Variants in RNF180 observed in about 807,000 individuals in gnomAD.
RNF180 encodes ring finger protein 180, also known as E3 ubiquitin-protein ligase RNF180.
A neutral mutation model predicts 59.2 loss-of-function variants in RNF180; 38 were observed. The observed-to-expected ratio is 0.64, with a 90% CI of 0.50 to 0.84. The LOEUF (loss-of-function observed/expected upper bound fraction) is 0.84, where lower values mean the gene tolerates loss of function less well. Among genes scored for constraint, RNF180 ranks in the 40% least tolerant of loss-of-function variants. The probability of loss-of-function intolerance (pLI) is 0.00; values close to 1 mark genes in which losing one functional copy is unlikely to be tolerated. For missense variants in RNF180, 705 were observed against 700.9 expected (o/e 1.01, Z -0.07); for synonymous variants, 262 against 240.3 (o/e 1.09, Z -0.84).
intron 2 of RNF180, among the ~76,000 whole-genome samples, chr5:64,209,985 A>C (rs1752221640): frequency 1.3e-5 from 2 of 152,110 alleles, no homozygotes; most frequent in African/African-American, 4.8e-5. Context: ...TTCTTTAAAA[A>C]TTTTGTGTAT....
At chr5:64,275,630 GTAGAAACTAAGT>G (rs1459767542) in intron 5 of RNF180, among the ~76,000 whole-genome samples, 2 of 151,822 alleles carry the variant, frequency 1.3e-5, no homozygotes, top group Non-Finnish European at 2.9e-5. Flanking sequence ...CTATGAGGAG[GTAGAAACTAAGT>G]CTTAATAAAT....
At chr5:64,205,999 GTGTTAAA>G (rs929822161) in intron 2 of RNF180, among the ~76,000 whole-genome samples, 13 of 152,118 alleles carry the variant, frequency 8.5e-5, no homozygotes, top group African/African-American at 2.7e-4. Context: ...TTGATGATTC[GTGTTAAA>G]TGTTAAATGA....
intron 7 of RNF180, among the ~76,000 whole-genome samples, chr5:64,349,243 A>G (rs1283948876): frequency 5.9e-5 from 9 of 152,136 alleles, no homozygotes; most frequent in African/African-American, 2.2e-4. Context: ...GGTTACAAAT[A>G]GACATAAACA....
rs112152401 is a variant in RNF180 at position 64,321,628 on chromosome 5, T to C, written c.1228-3558T>C. Among the ~76,000 whole-genome samples, 750 of 152,232 alleles carry C rather than the reference T, an allele frequency of 4.9e-3. 10 individuals carry two copies. The highest frequency in any genetic ancestry group is 0.017 in the African/African-American group (702 of 41,558). On this transcript the variant is annotated intron_variant, in intron 5 of 7. Transcript: ENST00000389100. The stretch of plus-strand genomic sequence containing the variant: ...TATAGATTCAATGCTATTCTCAAAC[T>C]ACTATGGACATTTTTCACAGAATTA...
chr5:64,237,837 C>G (rs1742539788), intron 5 of RNF180, among the ~76,000 whole-genome samples: 1 of 152,092 alleles, frequency 6.6e-6, no homozygotes, highest in African/African-American at 2.4e-5. Flanking sequence ...CTCTCTCTCT[C>G]TTTCTCTTCC....
At chr5:64,320,869 T>G (rs1266938533) in intron 5 of RNF180, among the ~76,000 whole-genome samples, 1 of 152,032 alleles carries the variant, frequency 6.6e-6, no homozygotes, top group African/African-American at 2.4e-5. Flanking sequence ...AAACCCTGTC[T>G]CTACTAAAAA....
chr5:64,175,784 C>T (rs1435745765), intron 1 of RNF180, among the ~76,000 whole-genome samples: 7 of 152,048 alleles, frequency 4.6e-5, no homozygotes, highest in East Asian at 1.9e-4. Flanking sequence ...TTTCTTTTAT[C>T]GATATTTTAT....
At chr5:64,231,708 G>C (rs1175766655) in intron 5 of RNF180, among the ~76,000 whole-genome samples, 1 of 152,176 alleles carries the variant, frequency 6.6e-6, no homozygotes, top group Non-Finnish European at 1.5e-5. Context: ...GCTGAATTTT[G>C]CTGTACCAGC....
intron 7 of RNF180, among the ~76,000 whole-genome samples, chr5:64,361,690 ACC>A (rs1746258620): frequency 6.6e-6 from 1 of 151,602 alleles, no homozygotes; most frequent in Non-Finnish European, 1.5e-5. Flanking sequence ...ATGTCTTAAT[ACC>A]AAAATAATTA....
chr5:64,187,536 C>G (rs1750932735), intron 1 of RNF180, among the ~76,000 whole-genome samples: 1 of 152,182 alleles, frequency 6.6e-6, no homozygotes, highest in Non-Finnish European at 1.5e-5. Flanking sequence ...TGGTCTCTCT[C>G]TCTGTAATTC....
intron 5 of RNF180, among the ~76,000 whole-genome samples, chr5:64,291,421 T>C (rs993240343): frequency 1.5e-5 from 2 of 132,542 alleles, no homozygotes; most frequent in South Asian, 2.6e-4. Flanking sequence ...GTTTTCTTTT[T>C]TTTTTTTTTT....
At chr5:64,202,579 A>G (rs578058943) in intron 2 of RNF180, among the ~76,000 whole-genome samples, 153 of 152,258 alleles carry the variant, frequency 1.0e-3, no homozygotes, top group African/African-American at 3.4e-3. Flanking sequence ...TTCAAAGTTT[A>G]TGTTCACTTT....
At chr5:64,350,466 G>A (rs566078013) in intron 7 of RNF180, among the ~76,000 whole-genome samples, 1 of 152,184 alleles carries the variant, frequency 6.6e-6, no homozygotes, top group African/African-American at 2.4e-5. Context: ...TGGTGTTTTA[G>A]ACATGAAGTC....
chr5:64,249,478 TGAA>T (rs1399109890), intron 5 of RNF180, among the ~76,000 whole-genome samples: 1 of 152,060 alleles, frequency 6.6e-6, no homozygotes, highest in East Asian at 1.9e-4. Context: ...CCTTCACAAA[TGAA>T]GGAGAGAGGA....
intron 5 of RNF180, among the ~76,000 whole-genome samples, chr5:64,223,222 C>T (rs1259715433): frequency 6.6e-6 from 1 of 152,192 alleles, no homozygotes; most frequent in East Asian, 1.9e-4. Flanking sequence ...CATATGGCAT[C>T]ACTACAACTC....
intron 5 of RNF180, among the ~76,000 whole-genome samples, chr5:64,257,138 T>A (rs1350313324): frequency 1.3e-5 from 2 of 152,206 alleles, no homozygotes; most frequent in Non-Finnish European, 2.9e-5. Flanking sequence ...TACAATCATG[T>A]CATCTGCAAA....
At chr5:64,257,397 G>C (rs1050338755) in intron 5 of RNF180, among the ~76,000 whole-genome samples, 2 of 152,184 alleles carry the variant, frequency 1.3e-5, no homozygotes, top group Non-Finnish European at 2.9e-5. Context: ...AATTTATTGA[G>C]AGTTTTTAGC....
chr5:64,302,477 C>T (rs1466819546), intron 5 of RNF180, among the ~76,000 whole-genome samples: 1 of 151,396 alleles, frequency 6.6e-6, no homozygotes, highest in African/African-American at 2.4e-5. Context: ...GTATATATGT[C>T]TTTTTAGGGC....
intron 5 of RNF180, among the ~76,000 whole-genome samples, chr5:64,293,401 G>A (rs756329536): frequency 1.1e-4 from 16 of 152,206 alleles, no homozygotes; most frequent in Non-Finnish European, 1.9e-4. Flanking sequence ...ACGGACCGCA[G>A]CTGCTTCTAA....
Sources: allele counts gnomAD v4.1 joint callset (sites outside exome capture counted in the v4.1 genomes callset), GRCh38; gene constraint gnomAD v4.1.1; transcripts MANE v1.5; gene names NCBI Gene and HGNC (gene_info 2026-07-23, HGNC 2026-07-21).